Variants in KCNQ5 observed in about 807,000 individuals in gnomAD.
KCNQ5 encodes potassium voltage-gated channel subfamily KQT member 5.
In KCNQ5, 30 loss-of-function variants were observed where a neutral mutation model predicts 98.2. The observed-to-expected ratio is 0.31, with a 90% CI of 0.23 to 0.41. The LOEUF (loss-of-function observed/expected upper bound fraction) is 0.41, where lower values mean the gene tolerates loss of function less well. KCNQ5 is among the 10% of genes least tolerant of loss of function. The pLI, the probability that KCNQ5 is intolerant of heterozygous loss-of-function variation, is 1.00. For synonymous variants in KCNQ5, 458 were observed against 449.4 expected, an observed-to-expected ratio of 1.02 and a Z score of -0.24; for missense variants, 835 against 1,182.5, an observed-to-expected ratio of 0.71 and a Z score of 4.31.
At chr6:73,115,018 A>G (rs1775431721) in intron 7 of KCNQ5, among the ~76,000 whole-genome samples, 1 of 152,156 alleles carries the variant, frequency 6.6e-6, no homozygotes, top group South Asian at 2.1e-4. Context: ...ATAAATAAAA[A>G]CAGTGCCAGG....
At chr6:73,093,905 A>G (rs760704518) in intron 5 of KCNQ5, among the ~76,000 whole-genome samples, 28 of 152,220 alleles carry the variant, frequency 1.8e-4, no homozygotes, top group Middle Eastern at 3.4e-3. Context: ...TGTTCTGTAT[A>G]TATCTGTTAA....
chr6:72,980,623 C>G lies in KCNQ5; in HGVS notation c.399-23285C>G, dbSNP rs572343093. 2.3e-3 allele frequency among the ~76,000 whole-genome samples: 348 copies of G among 152,166 alleles called. 1 individual carries two copies. The highest frequency in any genetic ancestry group is 3.9e-3 in the South Asian group (19 of 4,816). ...ATACAATCATGTCATCTACAAACAG[C>G]GACAATTTGACTTCCTCTTTTCCTA... On this transcript the variant is annotated intron_variant, in intron 1 of 13. Coordinates refer to ENST00000370398, the MANE Select transcript of KCNQ5 (RefSeq NM_019842.4).
At chr6:73,013,872 A>T (rs978396725) in intron 2 of KCNQ5, among the ~76,000 whole-genome samples, 3 of 152,168 alleles carry the variant, frequency 2.0e-5, no homozygotes, top group African/African-American at 7.2e-5. Flanking sequence ...CTGTGCTTTC[A>T]TAAAGAGTTC....
At chr6:72,803,439 T>G (rs1431609861) in intron 1 of KCNQ5, among the ~76,000 whole-genome samples, 3 of 152,146 alleles carry the variant, frequency 2.0e-5, no homozygotes, top group Admixed American at 6.6e-5. Flanking sequence ...CTCACAGGCT[T>G]TTCTGAAAGT....
At chr6:72,969,091 G>T (rs1476555733) in intron 1 of KCNQ5, among the ~76,000 whole-genome samples, 1 of 152,152 alleles carries the variant, frequency 6.6e-6, no homozygotes, top group East Asian at 1.9e-4. Flanking sequence ...ATTTTTTAAA[G>T]TATATTTATT....
At chr6:72,803,219 A>G (rs568990501) in intron 1 of KCNQ5, among the ~76,000 whole-genome samples, 2 of 152,316 alleles carry the variant, frequency 1.3e-5, no homozygotes, top group East Asian at 3.9e-4. Context: ...GAAGAGGGGC[A>G]TGCAATGCCA....
chr6:73,195,714 A>T lies in KCNQ5; in HGVS notation c.*300A>T, dbSNP rs2150528855. 3.4e-6 allele frequency: 1 copy of T among 298,136 alleles called. No homozygotes were observed. The highest frequency in any genetic ancestry group is 6.8e-5 in the East Asian group (1 of 14,738). The allele number at this position is 298,136 out of a possible 1,614,324, so 18.5% of individuals were successfully genotyped here. A position where few individuals can be genotyped will look rare whatever the true frequency, so the allele number is the denominator to read the frequency against. On this transcript the variant is annotated 3_prime_UTR_variant, in exon 14 of 14. Coordinates refer to ENST00000370398, the MANE Select transcript of KCNQ5 (RefSeq NM_019842.4). Reference sequence around the variant, plus strand: ...ATATGTCAAGTTTAGGTCATTTAGAAGATTTGACACTGTATTTTGAAATTA... The same window carrying T: ...ATATGTCAAGTTTAGGTCATTTAGATGATTTGACACTGTATTTTGAAATTA...
At chr6:73,103,570 C>T (rs1440821210) in intron 5 of KCNQ5, among the ~76,000 whole-genome samples, 1 of 152,026 alleles carries the variant, frequency 6.6e-6, no homozygotes, top group Non-Finnish European at 1.5e-5. Context: ...ACCAACATGG[C>T]ACATGTATAC....
At chr6:72,640,619 T>G (rs2098926707) in intron 1 of KCNQ5, 1 of 152,172 alleles carries the variant, frequency 6.6e-6, no homozygotes, top group African/African-American at 2.4e-5. Context: ...TATTTTTGAG[T>G]GTATAGATAA....
intron 1 of KCNQ5, among the ~76,000 whole-genome samples, chr6:72,952,958 A>G (rs1766878508): frequency 6.6e-6 from 1 of 152,192 alleles, no homozygotes; most frequent in Admixed American, 6.5e-5. Context: ...TCTTTCCTGC[A>G]TTTCCTGTTT....
chr6:72,933,850 G>A (rs540868835), intron 1 of KCNQ5, among the ~76,000 whole-genome samples: 16 of 152,172 alleles, frequency 1.1e-4, no homozygotes, highest in Admixed American at 3.9e-4. Context: ...ACTATGAGCC[G>A]ATAATTATTC....
rs149952927 is a variant in KCNQ5 at position 72,810,644 on chromosome 6, C to G, written c.398+188057C>G. ...ACTTCCAGCTACTATAATGTTAATA[C>G]TAGAAATTATGACTGCGAGTAAGAG... On this transcript the variant is annotated intron_variant, in intron 1 of 13. Coordinates refer to ENST00000370398, the MANE Select transcript of KCNQ5 (RefSeq NM_019842.4). 1.9e-3 allele frequency among the ~76,000 whole-genome samples: 293 copies of G among 152,264 alleles called. 3 individuals carry two copies. Among genetic ancestry groups the G allele is most frequent in the Admixed American group, 0.013 (200 of 15,286 alleles).
At chr6:72,941,426 T>TCCTTTTTCTCTC (rs1766258549) in intron 1 of KCNQ5, among the ~76,000 whole-genome samples, 9 of 123,390 alleles carry the variant, frequency 7.3e-5, no homozygotes, top group African/African-American at 3.2e-4. Flanking sequence ...CTTCTTTCCT[T>TCCTTTTTCTCTC]CCTCCTTCCC....
At chr6:73,097,337 C>T (rs1033509829) in intron 5 of KCNQ5, among the ~76,000 whole-genome samples, 7 of 151,744 alleles carry the variant, frequency 4.6e-5, no homozygotes, top group Non-Finnish European at 8.8e-5. Flanking sequence ...CCTTTCTGTG[C>T]CTGGCTTATT....
chr6:73,006,090 CATAGT>C (rs898368143), intron 2 of KCNQ5, among the ~76,000 whole-genome samples: 2 of 152,072 alleles, frequency 1.3e-5, no homozygotes, highest in African/African-American at 4.8e-5. Flanking sequence ...AATGAGTTAA[CATAGT>C]ATATTATAAA....
At chr6:73,079,240 T>C (rs962189783) in intron 5 of KCNQ5, among the ~76,000 whole-genome samples, 1 of 152,222 alleles carries the variant, frequency 6.6e-6, no homozygotes, top group Non-Finnish European at 1.5e-5. Context: ...AGGTAGATTA[T>C]AAATGCTTGT....
At chr6:73,074,794 A>G (rs1257314371) in intron 3 of KCNQ5, among the ~76,000 whole-genome samples, 2 of 151,712 alleles carry the variant, frequency 1.3e-5, no homozygotes, top group Non-Finnish European at 2.9e-5. Context: ...GAAAATGCCA[A>G]GCACATAGTA....
intron 1 of KCNQ5, among the ~76,000 whole-genome samples, chr6:72,707,040 C>G (rs906808142): frequency 6.6e-6 from 1 of 152,108 alleles, no homozygotes; most frequent in Admixed American, 6.5e-5. Flanking sequence ...CATGATCATA[C>G]AAACTATGAG....
intron 1 of KCNQ5, among the ~76,000 whole-genome samples, chr6:72,675,178 C>G (rs745575927): frequency 1.3e-5 from 2 of 152,100 alleles, no homozygotes; most frequent in Non-Finnish European, 2.9e-5. Context: ...TCCCAAAAGA[C>G]TTATATATTG....
Sources: gnomAD v4.1 joint callset for allele counts (sites outside exome capture counted in the v4.1 genomes callset) on GRCh38, gnomAD v4.1.1 for gene constraint, MANE v1.5 for transcripts, NCBI Gene and HGNC (gene_info 2026-07-23, HGNC 2026-07-21) for gene names.